Variants in FOXN3 observed in about 807,000 individuals in gnomAD.
FOXN3 encodes forkhead box protein N3.
A neutral mutation model predicts 38.4 loss-of-function variants in FOXN3; 7 were observed. The ratio of observed to expected loss-of-function variants is 0.18; its 90% confidence interval spans 0.10 to 0.34. The LOEUF (loss-of-function observed/expected upper bound fraction) is 0.34, where lower values mean the gene tolerates loss of function less well. Ranked by LOEUF, FOXN3 falls within the 10% of genes least tolerant of loss-of-function variation. FOXN3 has a pLI of 1.00. For missense variants in FOXN3, 456 were observed against 613.4 expected, an observed-to-expected ratio of 0.74 and a Z score of 2.71; for synonymous variants, 230 against 242.2, an observed-to-expected ratio of 0.95 and a Z score of 0.47.
chr14:89,428,693 C>T (rs769785193), intron 1 of FOXN3, among the ~76,000 whole-genome samples: 1 of 152,224 alleles, frequency 6.6e-6, no homozygotes, highest in Admixed American at 6.5e-5. Context: ...GTGCTGCCCA[C>T]GTTGGTGACG....
intron 2 of FOXN3, among the ~76,000 whole-genome samples, chr14:89,394,482 C>T (rs756765873): frequency 6.6e-6 from 1 of 152,100 alleles, no homozygotes; most frequent in Non-Finnish European, 1.5e-5. Flanking sequence ...GCTGTGATTA[C>T]GGGTGTGAGC....
At chr14:89,380,015 T>C (rs1187892455) in intron 2 of FOXN3, among the ~76,000 whole-genome samples, 3 of 152,208 alleles carry the variant, frequency 2.0e-5, no homozygotes, top group African/African-American at 2.4e-5. Flanking sequence ...CTGACTTCAC[T>C]ACTTGCAGAT....
At chr14:89,232,891 G>A (rs1884860660) in intron 4 of FOXN3, among the ~76,000 whole-genome samples, 1 of 152,138 alleles carries the variant, frequency 6.6e-6, no homozygotes, top group Non-Finnish European at 1.5e-5. Flanking sequence ...ACTTGTGACA[G>A]GAAGCATTTG....
At chr14:89,223,881 G>C (rs1884549193) in intron 4 of FOXN3, among the ~76,000 whole-genome samples, 1 of 136,784 alleles carries the variant, frequency 7.3e-6, no homozygotes, top group Non-Finnish European at 1.7e-5. Context: ...CCTTAAACAA[G>C]ACATCAATGC....
chr14:89,288,766 ATATG>A (rs1468757261), intron 3 of FOXN3, among the ~76,000 whole-genome samples: 13 of 107,086 alleles, frequency 1.2e-4, no homozygotes, highest in African/African-American at 4.3e-4. Flanking sequence ...ATATATATAT[ATATG>A]CTTGCACTGG....
intron 1 of FOXN3, among the ~76,000 whole-genome samples, chr14:89,517,448 C>T (rs1055003203): frequency 2.7e-5 from 4 of 150,336 alleles, no homozygotes; most frequent in African/African-American, 9.8e-5. Context: ...CCTCAGGAAA[C>T]TTTCAATCAT....
At chr14:89,400,287 A>G (rs1193325366) in intron 2 of FOXN3, 4 of 152,238 alleles carry the variant, frequency 2.6e-5, no homozygotes, top group Non-Finnish European at 4.4e-5. Flanking sequence ...GAACTGAAAT[A>G]GAGGTTTGAT....
intron 1 of FOXN3, among the ~76,000 whole-genome samples, chr14:89,509,589 C>A (rs1425550254): frequency 6.6e-6 from 1 of 152,218 alleles, no homozygotes; most frequent in African/African-American, 2.4e-5. Flanking sequence ...CCCGCCTCGG[C>A]CTCCCAAAGT....
At chr14:89,438,794 A>G (rs1408282801) in intron 1 of FOXN3, among the ~76,000 whole-genome samples, 2 of 148,718 alleles carry the variant, frequency 1.3e-5, no homozygotes, top group Admixed American at 1.3e-4. Flanking sequence ...ACGATGTTTC[A>G]CTCTTGTTGC....
At chr14:89,234,071 T>TC (rs1289686185) in intron 4 of FOXN3, among the ~76,000 whole-genome samples, 1 of 152,106 alleles carries the variant, frequency 6.6e-6, no homozygotes, top group Non-Finnish European at 1.5e-5. Flanking sequence ...CATCAGATTC[T>TC]CCCCAAAGAC....
At chr14:89,231,066 T>G (rs1182365219) in intron 4 of FOXN3, among the ~76,000 whole-genome samples, 1 of 152,146 alleles carries the variant, frequency 6.6e-6, no homozygotes, top group Non-Finnish European at 1.5e-5. Context: ...ATTTATTACT[T>G]GATGAGGAGA....
intron 4 of FOXN3, among the ~76,000 whole-genome samples, chr14:89,243,548 G>A (rs1596126953): frequency 6.6e-6 from 1 of 152,276 alleles, no homozygotes; most frequent in East Asian, 1.9e-4. Context: ...GTTATTTTAT[G>A]AAGAATGTAT....
At chr14:89,613,133 A>C (rs1436176945) in intron 1 of FOXN3, among the ~76,000 whole-genome samples, 1 of 151,450 alleles carries the variant, frequency 6.6e-6, no homozygotes, top group East Asian at 1.9e-4. Context: ...AAAAAAAAAA[A>C]AAAAAAAACT....
chr14:89,400,280 C>A (rs1476017861), intron 2 of FOXN3: 1 of 152,172 alleles, frequency 6.6e-6, no homozygotes, highest in Non-Finnish European at 1.5e-5. Context: ...CCTGTAAGAA[C>A]TGAAATAGAG....
At chr14:89,397,400 T>C (rs183122306) in intron 2 of FOXN3, among the ~76,000 whole-genome samples, 170 of 135,042 alleles carry the variant, frequency 1.3e-3, no homozygotes, top group African/African-American at 4.8e-3. Context: ...TTTATCTATA[T>C]AACAAACCTG....
intron 1 of FOXN3, among the ~76,000 whole-genome samples, chr14:89,439,220 A>G (rs558793823): frequency 6.6e-6 from 1 of 152,028 alleles, no homozygotes. Context: ...TGAGGTAGGT[A>G]CTCTCAGAGG....
intron 1 of FOXN3, among the ~76,000 whole-genome samples, chr14:89,431,367 C>T (rs1451835343): frequency 6.6e-6 from 1 of 152,140 alleles, no homozygotes; most frequent in African/African-American, 2.4e-5. Flanking sequence ...CCCACCACCA[C>T]ACCCGGCTAA....
rs141030995 is a variant in FOXN3, at chr14:89,401,650, C to G, written c.543+10284G>C. The G allele has an allele frequency of 4.8e-3, 2,175 of 455,722 alleles. 47 individuals carry two copies. The highest frequency in any genetic ancestry group is 0.039 in the African/African-American group (1,965 of 49,904). 28.2% of individuals were successfully genotyped at this position (455,722 alleles called of 1,614,324 possible). Reference sequence around the variant, plus strand: ...CCTCTACTATAGCCACGATTAGAGTCAGCGCTCACATGACTTGGCCTTCTA... The same window carrying G: ...CCTCTACTATAGCCACGATTAGAGTGAGCGCTCACATGACTTGGCCTTCTA... On this transcript the variant is annotated intron_variant, in intron 2 of 5. Transcript: ENST00000557258.
In FOXN3 at chr14:89,156,925, G is replaced by A. The variant is rs1410901276; in HGVS notation, c.*5489C>T. The A allele has an allele frequency of 6.6e-6, 1 of 152,510 alleles. No individual in the cohort carries two copies. The highest frequency in any genetic ancestry group is 2.4e-5 in the African/African-American group (1 of 41,404). The allele number at this position is 152,510 out of a possible 1,614,324, so 9.4% of individuals were successfully genotyped here. Reference sequence around the variant, plus strand: ...AAAAAAAAGGAGGAGAGGGGCTGGGGAACTCAGGCCACAGTCATGAAAGGA... The same window carrying A: ...AAAAAAAAGGAGGAGAGGGGCTGGGAAACTCAGGCCACAGTCATGAAAGGA... On this transcript the variant is annotated 3_prime_UTR_variant, in exon 6 of 6. Coordinates refer to ENST00000557258, the MANE Select transcript of FOXN3 (RefSeq NM_005197.4).
Sources: gnomAD v4.1 joint callset for allele counts (sites outside exome capture counted in the v4.1 genomes callset) on GRCh38, gnomAD v4.1.1 for gene constraint, MANE v1.5 for transcripts, NCBI Gene and HGNC (gene_info 2026-07-23, HGNC 2026-07-21) for gene names.